FAM227B: variants seen among roughly 807,000 people sequenced by gnomAD.
The protein encoded by FAM227B is family with sequence similarity 227 member B.
A neutral mutation model predicts 73.8 loss-of-function variants in FAM227B; 88 were observed. That is an observed-to-expected ratio of 1.19 (90% confidence interval 1.00 to 1.42). The LOEUF is 1.42. Among genes scored for constraint, FAM227B ranks in the 40% most tolerant of loss-of-function variants. The probability of loss-of-function intolerance (pLI) is 0.00; values close to 1 mark genes in which losing one functional copy is unlikely to be tolerated. For missense variants in FAM227B, 632 were observed against 590.9 expected (o/e 1.07, Z -0.72); for synonymous variants, 210 against 190.5 (o/e 1.10, Z -0.84).
At chr15:49,391,553 C>A (rs2047211786) in intron 11 of FAM227B, among the ~76,000 whole-genome samples, 1 of 152,106 alleles carries the variant, frequency 6.6e-6, no homozygotes, top group South Asian at 2.1e-4. Flanking sequence ...AATCTGATTG[C>A]TCTTCTTTGT....
At chr15:49,415,060 A>G (rs2151704099) in intron 11 of FAM227B, among the ~76,000 whole-genome samples, 1 of 152,270 alleles carries the variant, frequency 6.6e-6, no homozygotes. Flanking sequence ...TACTATCATA[A>G]TTACTTTTAC....
chr15:49,365,621 C>CA (rs2045018467), intron 13 of FAM227B: 4 of 1,106,286 alleles, frequency 3.6e-6, no homozygotes, highest in African/African-American at 1.5e-5. Flanking sequence ...GTTATGAAAA[C>CA]AAAAAATACA....
At chr15:49,602,072 C>T (rs2077239940) in intron 3 of FAM227B, among the ~76,000 whole-genome samples, 1 of 152,198 alleles carries the variant, frequency 6.6e-6, no homozygotes, top group African/African-American at 2.4e-5. Context: ...GCTTCCTAAT[C>T]TTAGCTATTG....
intron 13 of FAM227B, among the ~76,000 whole-genome samples, chr15:49,364,594 AC>A (rs1438116706): frequency 1.3e-5 from 2 of 152,206 alleles, no homozygotes; most frequent in African/African-American, 4.8e-5. Flanking sequence ...TTTTAAAAAA[AC>A]ATACTACAAA....
chr15:49,619,507 G>A (rs1448706628), intron 1 of FAM227B, among the ~76,000 whole-genome samples: 2 of 152,172 alleles, frequency 1.3e-5, no homozygotes, highest in Non-Finnish European at 2.9e-5. Context: ...TATAGTTACA[G>A]AAGCTCTGCT....
intron 10 of FAM227B, among the ~76,000 whole-genome samples, chr15:49,519,187 C>T (rs1597821644): frequency 6.6e-6 from 1 of 152,368 alleles, no homozygotes; most frequent in East Asian, 1.9e-4. Context: ...TGGCCTTGGG[C>T]AGCTCCACCC....
chr15:49,391,546 C>G (rs1169964829), intron 11 of FAM227B, among the ~76,000 whole-genome samples: 2 of 152,132 alleles, frequency 1.3e-5, no homozygotes, highest in African/African-American at 2.4e-5. Flanking sequence ...AATATGAAAT[C>G]TGATTGCTCT....
chr15:49,516,126 T>A (rs980980715), intron 10 of FAM227B, among the ~76,000 whole-genome samples: 1 of 152,264 alleles, frequency 6.6e-6, no homozygotes, highest in Admixed American at 6.6e-5. Context: ...GCTGTCCCCA[T>A]GCCAAGACTT....
At chr15:49,498,673 T>G (rs1344262531) in intron 11 of FAM227B, among the ~76,000 whole-genome samples, 2 of 151,916 alleles carry the variant, frequency 1.3e-5, no homozygotes, top group East Asian at 3.9e-4. Flanking sequence ...AGGCACAGAG[T>G]GCCAAGTTGA....
chr15:49,498,821 C>G (rs2057860303), intron 11 of FAM227B, among the ~76,000 whole-genome samples: 1 of 152,136 alleles, frequency 6.6e-6, no homozygotes, highest in East Asian at 1.9e-4. Context: ...GGTTGCTATT[C>G]TTATATCAGA....
At chr15:49,452,349 G>A (rs1048008627) in intron 11 of FAM227B, among the ~76,000 whole-genome samples, 2 of 151,966 alleles carry the variant, frequency 1.3e-5, no homozygotes, top group African/African-American at 2.4e-5. Flanking sequence ...CACTGCACCC[G>A]GCCCCAACCA....
At chr15:49,581,346 A>T (rs2075799616) in intron 5 of FAM227B, among the ~76,000 whole-genome samples, 2 of 147,928 alleles carry the variant, frequency 1.4e-5, no homozygotes, top group Non-Finnish European at 3.0e-5. Context: ...TTTTTTTTTG[A>T]GACAGAGTTT....
intron 11 of FAM227B, among the ~76,000 whole-genome samples, chr15:49,376,051 G>A (rs890149572): frequency 4.6e-5 from 7 of 151,986 alleles, no homozygotes; most frequent in African/African-American, 1.7e-4. Flanking sequence ...TTGAAACCAT[G>A]TTTCCACAGT....
intron 11 of FAM227B, among the ~76,000 whole-genome samples, chr15:49,433,803 C>CAGCT (rs1311924214): frequency 6.6e-6 from 1 of 151,638 alleles, no homozygotes; most frequent in East Asian, 1.9e-4. Flanking sequence ...ACCTGACTGC[C>CAGCT]AGCTAATCCA....
At position 49,335,432 on chromosome 15, in the gene FAM227B, T is replaced by A. The variant is rs770523714; in HGVS notation, c.1336A>T (p.Lys446Ter). 2 of 1,610,744 alleles carry A rather than the reference T, an allele frequency of 1.2e-6. No homozygotes were observed. The highest frequency in any genetic ancestry group is 1.7e-6 in the Non-Finnish European group (2 of 1,176,884). ...EAKRQFARNQKDFRILQAKAT... is the reference protein window; with the variant it reads ...EAKRQFARNQ ...GCATCAACTTACATCCTAAAATCCT[T>A]TTGGTTCCTTGCAAATTGTCTTTTT... The change falls in exon 14 of 16, where the codon AAG (lysine) becomes TAG (stop). Residue 446 changes from lysine to a stop codon, truncating the protein, a stop_gained. Transcript: ENST00000299338. LOFTEE classifies it high-confidence loss of function.
At chr15:49,394,558 G>A (rs947539286) in intron 11 of FAM227B, among the ~76,000 whole-genome samples, 3 of 152,172 alleles carry the variant, frequency 2.0e-5, no homozygotes, top group Non-Finnish European at 2.9e-5. Context: ...AATTTAAAAT[G>A]AGACTATTCG....
chr15:49,378,266 G>A (rs996123803), intron 11 of FAM227B, among the ~76,000 whole-genome samples: 5 of 151,008 alleles, frequency 3.3e-5, no homozygotes, highest in African/African-American at 1.2e-4. Flanking sequence ...CTCTAGTTTT[G>A]CTCTTTTTGC....
At chr15:49,413,211 T>C (rs1349212084) in intron 11 of FAM227B, among the ~76,000 whole-genome samples, 1 of 152,124 alleles carries the variant, frequency 6.6e-6, no homozygotes, top group African/African-American at 2.4e-5. Context: ...GGGAGATAAG[T>C]GAATCATGGG....
chr15:49,470,307 T>C (rs2054626727), intron 11 of FAM227B, among the ~76,000 whole-genome samples: 1 of 152,156 alleles, frequency 6.6e-6, no homozygotes, highest in Non-Finnish European at 1.5e-5. Context: ...TCATTATCAC[T>C]ATATTTTAAA....
Sources: gnomAD v4.1 joint callset for allele counts (sites outside exome capture counted in the v4.1 genomes callset) on GRCh38, gnomAD v4.1.1 for gene constraint, MANE v1.5 for transcripts, NCBI Gene and HGNC (gene_info 2026-07-23, HGNC 2026-07-21) for gene names.